The following ZMAT4 variants were observed in gnomAD, a reference collection of about 807,000 sequenced individuals.
ZMAT4 encodes the protein zinc finger matrin-type 4.
A neutral mutation model predicts 28.7 loss-of-function variants in ZMAT4; 17 were observed. The observed-to-expected ratio is 0.59, with a 90% confidence interval of 0.41 to 0.89. The LOEUF (loss-of-function observed/expected upper bound fraction) is 0.89. ZMAT4 is among the 40% of genes least tolerant of loss of function. The pLI, the probability that ZMAT4 is intolerant of heterozygous loss-of-function variation, is 0.00. For missense variants in ZMAT4, 240 were observed against 283.8 expected, an observed-to-expected ratio of 0.85 and a Z score of 1.11; for synonymous variants, 117 against 109.2, an observed-to-expected ratio of 1.07 and a Z score of -0.44.
chr8:40,644,574 G>T (rs1807212213), intron 5 of ZMAT4, among the ~76,000 whole-genome samples: 2 of 152,064 alleles, frequency 1.3e-5, no homozygotes, highest in Non-Finnish European at 1.5e-5. Context: ...AAATATAAAT[G>T]ACTGAATAAA....
chr8:40,610,848 A>G (rs1805768249), intron 5 of ZMAT4, among the ~76,000 whole-genome samples: 1 of 148,626 alleles, frequency 6.7e-6, no homozygotes, highest in Admixed American at 6.6e-5. Flanking sequence ...GAAAAAATGA[A>G]AAAAAAAAGG....
chr8:40,755,590 C>T (rs569822644), intron 3 of ZMAT4, among the ~76,000 whole-genome samples: 12 of 152,118 alleles, frequency 7.9e-5, no homozygotes, highest in African/African-American at 2.6e-4. Flanking sequence ...GAAGCTGGGA[C>T]TACAGGCATG....
chr8:40,566,369 T>C (rs1407964514), intron 6 of ZMAT4, among the ~76,000 whole-genome samples: 2 of 152,176 alleles, frequency 1.3e-5, no homozygotes, highest in African/African-American at 2.4e-5. Context: ...AGATCTTTTT[T>C]TAACTTGTGC....
At chr8:40,657,206 T>C (rs1357505175) in intron 5 of ZMAT4, among the ~76,000 whole-genome samples, 1 of 152,122 alleles carries the variant, frequency 6.6e-6, no homozygotes, top group Non-Finnish European at 1.5e-5. Flanking sequence ...AAATCGTATG[T>C]ATTTTAAAGA....
chr8:40,762,269 G>A (rs1465096559), intron 3 of ZMAT4, among the ~76,000 whole-genome samples: 1 of 152,174 alleles, frequency 6.6e-6, no homozygotes. Flanking sequence ...GCACATGTAC[G>A]TAGTTAAGAA....
chr8:40,624,559 G>C (rs563202470), intron 5 of ZMAT4, among the ~76,000 whole-genome samples: 1 of 152,224 alleles, frequency 6.6e-6, no homozygotes, highest in African/African-American at 2.4e-5. Context: ...CCAGCCTATA[G>C]TGTCTGACAC....
intron 5 of ZMAT4, among the ~76,000 whole-genome samples, chr8:40,636,934 G>A (rs746662077): frequency 2.6e-5 from 4 of 152,098 alleles, no homozygotes; most frequent in Non-Finnish European, 5.9e-5. Flanking sequence ...TTTCTGATCT[G>A]AGAGCTGCCG....
chr8:40,601,613 A>G (rs1351921695), intron 5 of ZMAT4, among the ~76,000 whole-genome samples: 40 of 25,758 alleles, frequency 1.6e-3, no homozygotes, highest in African/African-American at 3.8e-3. Flanking sequence ...AAAGAAAGAA[A>G]GAAAGAAAGA....
At chr8:40,845,791 AAAAAAAGAG>A (rs777550583) in intron 1 of ZMAT4, among the ~76,000 whole-genome samples, 2 of 127,488 alleles carry the variant, frequency 1.6e-5, no homozygotes, top group Non-Finnish European at 3.3e-5. Flanking sequence ...AAAAAAAAAA[AAAAAAAGAG>A]AGAGAGACTA....
chr8:40,629,069 G>T, intron 5 of ZMAT4, among the ~76,000 whole-genome samples: 1 of 143,924 alleles, frequency 6.9e-6, no homozygotes. Context: ...TTTTCTTTTT[G>T]GGACTCCTAA....
Position 40,852,125 on chromosome 8 carries a change from A to G in ZMAT4, c.-4-26445T>C, listed in dbSNP as rs575753168. 2.6e-5 allele frequency among the ~76,000 whole-genome samples: 4 copies of G among 152,126 alleles called. No homozygotes were observed. In the South Asian group the frequency reaches 8.3e-4, roughly 32 times the overall value. Reference sequence around the variant, plus strand: ...AGTCTTGAACTCCTGACCTCAAGTGATCCACTTGCCTTGGCCTCCCAAAAT... The same window carrying G: ...AGTCTTGAACTCCTGACCTCAAGTGGTCCACTTGCCTTGGCCTCCCAAAAT... On this transcript the variant is annotated intron_variant, in intron 1 of 6. Transcript: ENST00000297737.
chr8:40,822,395 A>T lies in ZMAT4; in HGVS notation c.102+3180T>A, dbSNP rs1208017791. ...TCAGGTTGAACTGAAAAATGAAATC[A>T]TACTAAAACAATAAATCAGTAATAG... is the stretch of plus-strand genomic sequence containing the variant. On this transcript the variant is annotated intron_variant, in intron 2 of 6. Coordinates refer to ENST00000297737, the MANE Select transcript of ZMAT4 (RefSeq NM_024645.3). 6.6e-5 allele frequency among the ~76,000 whole-genome samples: 10 copies of T among 152,352 alleles called. No individual in the cohort carries two copies. The East Asian group carries it at 7.7e-4, about 12-fold the overall frequency.
At chr8:40,819,807 G>A (rs1425331439) in intron 2 of ZMAT4, among the ~76,000 whole-genome samples, 1 of 151,886 alleles carries the variant, frequency 6.6e-6, no homozygotes, top group African/African-American at 2.4e-5. Context: ...TCTTCCTTTG[G>A]CTGTGTGTGT....
In ZMAT4 at chr8:40,530,895, A is replaced by G. The variant is rs1490884385; in HGVS notation, c.*1328T>C. The G allele has an allele frequency of 6.6e-6, 1 of 152,528 alleles. No individual in the cohort carries two copies. The highest frequency in any genetic ancestry group is 1.9e-4 in the East Asian group (1 of 5,192). The allele number at this position is 152,528 out of a possible 1,614,324, so 9.4% of individuals were successfully genotyped here. A position where few individuals can be genotyped will look rare whatever the true frequency, so the allele number is the denominator to read the frequency against. ...AACACAGGTAAACAGGCTCCTTCAT[A>G]ACAACACTGTGCATTTCTGTGTCAT... On this transcript the variant is annotated 3_prime_UTR_variant, in exon 7 of 7. Transcript: ENST00000297737.
intron 1 of ZMAT4, among the ~76,000 whole-genome samples, chr8:40,833,099 A>G (rs1306085013): frequency 6.6e-6 from 1 of 152,142 alleles, no homozygotes; most frequent in Non-Finnish European, 1.5e-5. Context: ...GGTTTTCGTG[A>G]TCATCTCTGC....
Position 40,839,313 on chromosome 8 carries a change from C to T in ZMAT4, c.-4-13633G>A, listed in dbSNP as rs567058675. ...GGCAGCTGTGCTCAGGTGTGCCTTG[C>T]CTCTTCTGCCACCCTCCAGAAACTT... On this transcript the variant is annotated intron_variant, in intron 1 of 6. Transcript: ENST00000297737. 1.3e-3 allele frequency among the ~76,000 whole-genome samples: 203 copies of T among 152,312 alleles called. 3 individuals are homozygous for T. Among genetic ancestry groups the T allele is most frequent in the African/African-American group, 4.7e-3 (195 of 41,572 alleles).
At chr8:40,532,978 T>A (rs1269059171) in intron 6 of ZMAT4, among the ~76,000 whole-genome samples, 2 of 148,166 alleles carry the variant, frequency 1.3e-5, no homozygotes, top group African/African-American at 2.5e-5. Flanking sequence ...GGAGACTCCA[T>A]GTCAAAAAAA....
chr8:40,820,893 A>G (rs200725839), intron 2 of ZMAT4, among the ~76,000 whole-genome samples: 2 of 40,774 alleles, frequency 4.9e-5, no homozygotes, highest in South Asian at 1.1e-3. Context: ...GTATGTGTTT[A>G]TGTGTGTGTT....
At chr8:40,592,219 T>C (rs999874637) in intron 5 of ZMAT4, among the ~76,000 whole-genome samples, 1 of 152,130 alleles carries the variant, frequency 6.6e-6, no homozygotes, top group African/African-American at 2.4e-5. Flanking sequence ...CAGTTTGCCA[T>C]GCCATTCCCA....
Sources: gnomAD v4.1 joint callset for allele counts (sites outside exome capture counted in the v4.1 genomes callset) on GRCh38, gnomAD v4.1.1 for gene constraint, MANE v1.5 for transcripts, NCBI Gene and HGNC (gene_info 2026-07-23, HGNC 2026-07-21) for gene names.